The following UMAD1 variants were observed in gnomAD, a reference collection of about 807,000 sequenced individuals.
The protein encoded by UMAD1 is UBAP1-MVB12-associated (UMA)-domain containing protein 1.
In UMAD1, 8 loss-of-function variants were observed where a neutral mutation model predicts 6.1. The observed-to-expected ratio is 1.30, with a 90% CI of 0.76 to 2.35. The LOEUF is 2.35. Among genes scored for constraint, UMAD1 ranks in the 30% most tolerant of loss-of-function variants. UMAD1 has a pLI of 0.00. For synonymous variants in UMAD1, 56 were observed against 31.4 expected (o/e 1.78, Z -2.61); for missense variants, 130 against 78.4 (o/e 1.66, Z -2.49).
intron 1 of UMAD1, among the ~76,000 whole-genome samples, chr7:7,667,252 G>A (rs1309010276): frequency 6.6e-6 from 1 of 152,116 alleles, no homozygotes; most frequent in East Asian, 1.9e-4. Flanking sequence ...AATTTGGTAT[G>A]TTTCCTGTTT....
intron 2 of UMAD1, among the ~76,000 whole-genome samples, chr7:7,801,313 A>G (rs574931193): frequency 6.6e-6 from 1 of 152,378 alleles, no homozygotes; most frequent in African/African-American, 2.4e-5. Context: ...ACAGTTATCC[A>G]TATCATAAAA....
intron 3 of UMAD1, among the ~76,000 whole-genome samples, chr7:7,815,175 A>G (rs4725037): frequency 0.93 from 141,255 of 152,242 alleles, 65,606 homozygotes; most frequent in African/African-American, 0.97. Context: ...TTGCTGTAGT[A>G]TGGATAGCTG....
chr7:7,805,859 CTCTG>C (rs1322928666), intron 3 of UMAD1, among the ~76,000 whole-genome samples: 3 of 152,054 alleles, frequency 2.0e-5, no homozygotes, highest in African/African-American at 7.2e-5. Flanking sequence ...TGTCACATAA[CTCTG>C]TCTTATTTTC....
At chr7:7,836,653 T>A (rs1783576244) in intron 3 of UMAD1, among the ~76,000 whole-genome samples, 1 of 151,810 alleles carries the variant, frequency 6.6e-6, no homozygotes, top group Non-Finnish European at 1.5e-5. Context: ...ATTATAATGA[T>A]CATGAGAATT....
intron 3 of UMAD1, among the ~76,000 whole-genome samples, chr7:7,849,782 G>A (rs1258329482): frequency 1.5e-5 from 2 of 135,830 alleles, no homozygotes; most frequent in Non-Finnish European, 3.1e-5. Flanking sequence ...TCTGTGGATT[G>A]AAACAGCAGT....
At chr7:7,673,754 C>T (rs1779672699) in intron 2 of UMAD1, among the ~76,000 whole-genome samples, 1 of 150,958 alleles carries the variant, frequency 6.6e-6, no homozygotes, top group Non-Finnish European at 1.5e-5. Context: ...TTCAAGAATC[C>T]TTGATGAATT....
intron 3 of UMAD1, among the ~76,000 whole-genome samples, chr7:7,819,919 A>G (rs925606702): frequency 1.3e-5 from 2 of 152,294 alleles, no homozygotes; most frequent in Middle Eastern, 3.4e-3. Flanking sequence ...CTGAAAATGT[A>G]TGGGTTATTA....
At chr7:7,677,062 AT>A (rs1779759106) in intron 2 of UMAD1, among the ~76,000 whole-genome samples, 2 of 152,180 alleles carry the variant, frequency 1.3e-5, no homozygotes, top group Non-Finnish European at 2.9e-5. Flanking sequence ...TTTTATTAAC[AT>A]GGACACATAC....
At chr7:7,768,066 T>G (rs1782028815) in intron 2 of UMAD1, among the ~76,000 whole-genome samples, 1 of 152,180 alleles carries the variant, frequency 6.6e-6, no homozygotes, top group African/African-American at 2.4e-5. Context: ...TTTTTAAAAT[T>G]TCTAGCCCAT....
chr7:7,702,785 T>TTTG lies in UMAD1; in HGVS notation c.82+29353_82+29355dup, dbSNP rs148600831. ...ACTCCATCTGCCAGTGGCCTGGGTT[T>TTTG]TTGTTGTTGTTGTTGTTGTTGTTTT... On this transcript the variant is annotated intron_variant, in intron 2 of 3. Coordinates refer to ENST00000682710, the MANE Select transcript of UMAD1 (RefSeq NM_001302348.2). 1.9e-3 allele frequency among the ~76,000 whole-genome samples: 280 copies of TTTG among 150,462 alleles called. 2 individuals are homozygous for TTTG. Among genetic ancestry groups the TTTG allele is most frequent in the African/African-American group, 5.7e-3 (237 of 41,404 alleles).
At chr7:7,873,856 A>C (rs1217795708) in intron 3 of UMAD1, among the ~76,000 whole-genome samples, 1 of 152,208 alleles carries the variant, frequency 6.6e-6, no homozygotes, top group Non-Finnish European at 1.5e-5. Flanking sequence ...ATCCCTTTTT[A>C]ACTACTGGCC....
chr7:7,655,173 C>G (rs2115080656), intron 1 of UMAD1, among the ~76,000 whole-genome samples: 1 of 152,180 alleles, frequency 6.6e-6, no homozygotes, highest in East Asian at 1.9e-4. Context: ...AATGATGCCT[C>G]TGGCCTGCTC....
At chr7:7,683,165 T>G (rs1563118821) in intron 2 of UMAD1, among the ~76,000 whole-genome samples, 1 of 152,212 alleles carries the variant, frequency 6.6e-6, no homozygotes, top group Non-Finnish European at 1.5e-5. Context: ...GTCATTCATT[T>G]TTTTCGGGGA....
chr7:7,647,989 T>C lies in UMAD1; in HGVS notation c.-64+7168T>C, dbSNP rs532828979. Reference sequence around the variant, plus strand: ...TGGTTAGAATTTATTTGTCTTATCGTTTTCCATCCTATATCTCACCTAGGG... The same window carrying C: ...TGGTTAGAATTTATTTGTCTTATCGCTTTCCATCCTATATCTCACCTAGGG... On this transcript the variant is annotated intron_variant, in intron 1 of 3. Coordinates refer to ENST00000682710, the MANE Select transcript of UMAD1 (RefSeq NM_001302348.2). Among the ~76,000 whole-genome samples the C allele has an allele frequency of 2.6e-5, 4 of 152,292 alleles. No homozygotes were observed. In the East Asian group the frequency reaches 7.7e-4, roughly 29 times the overall value.
intron 3 of UMAD1, among the ~76,000 whole-genome samples, chr7:7,808,920 G>T (rs926993243): frequency 4.6e-5 from 7 of 151,854 alleles, no homozygotes; most frequent in Non-Finnish European, 1.5e-5. Context: ...TCAGCTGGTG[G>T]TATTGAGATA....
intron 3 of UMAD1, among the ~76,000 whole-genome samples, chr7:7,833,501 C>G (rs764355175): frequency 1.2e-4 from 19 of 152,020 alleles, no homozygotes; most frequent in Non-Finnish European, 1.0e-4. Flanking sequence ...TGTCTGCAGA[C>G]TGTAGTAAGT....
intron 2 of UMAD1, among the ~76,000 whole-genome samples, chr7:7,786,482 T>A (rs1027842932): frequency 2.0e-5 from 3 of 152,204 alleles, no homozygotes; most frequent in Admixed American, 1.3e-4. Flanking sequence ...CATCATTTAC[T>A]AATTTTGCTA....
At chr7:7,822,008 A>G (rs1344616670) in intron 3 of UMAD1, among the ~76,000 whole-genome samples, 1 of 152,132 alleles carries the variant, frequency 6.6e-6, no homozygotes, top group East Asian at 1.9e-4. Context: ...ATTACTTATT[A>G]GTAAACAAAA....
intron 2 of UMAD1, among the ~76,000 whole-genome samples, chr7:7,796,828 A>C (rs1311917966): frequency 6.6e-6 from 1 of 151,914 alleles, no homozygotes; most frequent in African/African-American, 2.4e-5. Flanking sequence ...TTTTCAACCA[A>C]TCAGTGGTCT....
Sources: allele counts gnomAD v4.1 joint callset (sites outside exome capture counted in the v4.1 genomes callset), GRCh38; gene constraint gnomAD v4.1.1; transcripts MANE v1.5; gene names NCBI Gene and HGNC (gene_info 2026-07-23, HGNC 2026-07-21).